The following ECT2L variants were observed in gnomAD, a reference collection of about 807,000 sequenced individuals.
ECT2L encodes epithelial cell transforming 2 like.
In ECT2L, 126 loss-of-function variants were observed where a neutral mutation model predicts 122.8. That is an observed-to-expected ratio of 1.03 (90% CI 0.89 to 1.19). ECT2L has a LOEUF of 1.19. Among genes scored for constraint, ECT2L ranks in the 50% most tolerant of loss-of-function variants. The probability of loss-of-function intolerance (pLI) is 0.00; values close to 1 mark genes in which losing one functional copy is unlikely to be tolerated. For missense variants in ECT2L, 1,012 were observed against 1,064.1 expected (o/e 0.95, Z 0.68); for synonymous variants, 385 against 381.8 (o/e 1.01, Z -0.10).
intron 20 of ECT2L, among the ~76,000 whole-genome samples, chr6:138,897,440 T>C (rs1001706865): frequency 6.6e-6 from 1 of 152,238 alleles, no homozygotes; most frequent in Admixed American, 6.5e-5. Flanking sequence ...GCAGATTATA[T>C]GCAAATACCA....
At position 138,885,601 on chromosome 6, in the gene ECT2L, A is replaced by G. The variant is rs764213559; in HGVS notation, c.2102+22A>G. On this transcript the variant is annotated intron_variant, in intron 17 of 21. Coordinates refer to ENST00000541398, the MANE Select transcript of ECT2L (RefSeq NM_001077706.3). The stretch of plus-strand genomic sequence containing the variant: ...TGAGGTACGTTCTGAGGGAGAGCAC[A>G]GCAGGGGTCCCCCCAGAGAGGGCAT... 30 of 1,614,052 alleles carry G rather than the reference A, an allele frequency of 1.9e-5. No individual in the cohort carries two copies. The African/African-American group carries it at 3.2e-4, about 17-fold the overall frequency.
intron 13 of ECT2L, among the ~76,000 whole-genome samples, chr6:138,875,987 A>T (rs1481651878): frequency 6.6e-6 from 1 of 151,952 alleles, no homozygotes; most frequent in African/African-American, 2.4e-5. Flanking sequence ...GGGGCGTGGT[A>T]GTGGGCCCTG....
At chr6:138,844,003 T>C (rs1200154328) in intron 6 of ECT2L, among the ~76,000 whole-genome samples, 1 of 152,180 alleles carries the variant, frequency 6.6e-6, no homozygotes, top group East Asian at 1.9e-4. Context: ...CTAGGCCTTA[T>C]GCTTTATGCA....
At chr6:138,841,082 T>C (rs183326261) in intron 5 of ECT2L, among the ~76,000 whole-genome samples, 166 of 152,324 alleles carry the variant, frequency 1.1e-3, no homozygotes, top group Non-Finnish European at 1.7e-3. Flanking sequence ...AGTTACTGTA[T>C]ATTTTCAGTT....
At position 138,867,993 on chromosome 6, in the gene ECT2L, CT is replaced by C. The variant is rs1778107910; in HGVS notation, c.1475-109del. 6.1e-6 allele frequency: 4 copies of C among 653,042 alleles called. 1 individual carries two copies. In the African/African-American group the frequency reaches 1.1e-4, roughly 17 times the overall value. 40.5% of individuals were successfully genotyped at this position (653,042 alleles called of 1,614,324 possible). On this transcript the variant is annotated intron_variant, in intron 12 of 21. Coordinates refer to ENST00000541398, the MANE Select transcript of ECT2L (RefSeq NM_001077706.3). ...CCAGCCTGGGCAACAGAGTAAGATT[CT>C]GTCTCAAAAAAAAAAAAAAAAAAAA...
Position 138,819,477 on chromosome 6 carries a change from G to A in ECT2L, c.179+4874G>A, listed in dbSNP as rs151072297. 2.1e-3 allele frequency among the ~76,000 whole-genome samples: 321 copies of A among 152,128 alleles called. 1 individual carries two copies. Among genetic ancestry groups the A allele is most frequent in the African/African-American group, 7.6e-3 (315 of 41,500 alleles). On this transcript the variant is annotated intron_variant, in intron 4 of 21. Transcript: ENST00000541398. ...TGACACTATGTGACATGCAGGACTT[G>A]TTTATTTGCTGTCTGCCTACCCCAT...
chr6:138,843,600 G>A (rs1368756498), intron 6 of ECT2L, among the ~76,000 whole-genome samples: 1 of 152,048 alleles, frequency 6.6e-6, no homozygotes, highest in Non-Finnish European at 1.5e-5. Flanking sequence ...AAGTGAAAAT[G>A]GAAGCAGGGA....
At chr6:138,833,444 A>G (rs1416696228) in intron 4 of ECT2L, among the ~76,000 whole-genome samples, 10 of 152,280 alleles carry the variant, frequency 6.6e-5, no homozygotes, top group African/African-American at 1.7e-4. Context: ...CCAAAAGCAC[A>G]TTTGTACGGC....
chr6:138,853,169 T>C (rs1053108316), intron 9 of ECT2L, among the ~76,000 whole-genome samples: 1 of 152,132 alleles, frequency 6.6e-6, no homozygotes, highest in Non-Finnish European at 1.5e-5. Flanking sequence ...GGTTTCACCA[T>C]ATTGGCCAGG....
chr6:138,814,709 AC>A (rs1776012908), intron 4 of ECT2L, 106 bp downstream of exon 4: 1 of 675,752 alleles, frequency 1.5e-6, no homozygotes. Flanking sequence ...AGAAAAAAAA[AC>A]AAGGTAATTG....
intron 4 of ECT2L, among the ~76,000 whole-genome samples, chr6:138,822,503 C>T (rs1776299872): frequency 1.3e-5 from 2 of 151,998 alleles, no homozygotes; most frequent in Admixed American, 1.3e-4. Context: ...TGCAGTGAAC[C>T]GAGATTATAC....
At chr6:138,797,404 T>C (rs1026078775) in intron 1 of ECT2L, among the ~76,000 whole-genome samples, 94 of 152,334 alleles carry the variant, frequency 6.2e-4, no homozygotes, top group African/African-American at 2.1e-3. Context: ...AGTACGCGCA[T>C]GTAGGTACAT....
chr6:138,824,540 A>AT (rs1776366060), intron 4 of ECT2L, among the ~76,000 whole-genome samples: 2 of 99,518 alleles, frequency 2.0e-5, no homozygotes, highest in South Asian at 3.0e-4. Flanking sequence ...CAAAAAAGCA[A>AT]TAAAAAAAAA....
At chr6:138,865,517 C>A (rs1409390829) in intron 12 of ECT2L, among the ~76,000 whole-genome samples, 1 of 152,136 alleles carries the variant, frequency 6.6e-6, no homozygotes, top group East Asian at 1.9e-4. Flanking sequence ...AGTTAAGCGC[C>A]TCTTATACCC....
Position 138,880,937 on chromosome 6 carries a change from T to C in ECT2L, c.1666-20T>C. 1 of 1,608,144 alleles carries C rather than the reference T, an allele frequency of 6.2e-7. No individual in the cohort carries two copies. The highest frequency in any genetic ancestry group is 8.5e-7 in the Non-Finnish European group (1 of 1,175,932). On this transcript the variant is annotated intron_variant, in intron 14 of 21. Coordinates refer to ENST00000541398, the MANE Select transcript of ECT2L (RefSeq NM_001077706.3). ...TCTACTTCTCCATCACTGACTTGAGTTCTTAACACTTCTCTACAGGAGAGA... is the reference window on the plus strand; with the variant it reads ...TCTACTTCTCCATCACTGACTTGAGCTCTTAACACTTCTCTACAGGAGAGA...
intron 4 of ECT2L, among the ~76,000 whole-genome samples, chr6:138,836,702 CTATT>C (rs1776852560): frequency 6.6e-6 from 1 of 151,824 alleles, no homozygotes; most frequent in Admixed American, 6.6e-5. Context: ...TCCTTCTCCC[CTATT>C]TATTTATTCA....
At chr6:138,844,659 C>A in intron 7 of ECT2L, 79 bp downstream of exon 7, 1 of 1,355,786 alleles carries the variant, frequency 7.4e-7, no homozygotes. Context: ...TTAGCTATCA[C>A]GCAGAAATCT....
At chr6:138,883,966 T>C (rs764329532) in intron 16 of ECT2L, among the ~76,000 whole-genome samples, 1 of 152,124 alleles carries the variant, frequency 6.6e-6, no homozygotes, top group Admixed American at 6.5e-5. Flanking sequence ...CAGGCTCAGG[T>C]GATCCTCCCA....
At chr6:138,864,967 G>A (rs1371526865) in intron 11 of ECT2L, 29 bp from the exon 12 acceptor site, 1 of 1,592,424 alleles carries the variant, frequency 6.3e-7, no homozygotes, top group South Asian at 1.1e-5. Flanking sequence ...GCTCAAGCCT[G>A]CAATAATAAC....
Sources: allele counts gnomAD v4.1 joint callset (sites outside exome capture counted in the v4.1 genomes callset), GRCh38; gene constraint gnomAD v4.1.1; transcripts MANE v1.5; gene names NCBI Gene and HGNC (gene_info 2026-07-23, HGNC 2026-07-21).